The following PLPPR5 variants were observed in gnomAD, a reference collection of about 807,000 sequenced individuals.
PLPPR5 encodes phospholipid phosphatase-related protein type 5.
Under a neutral mutation model 33.9 loss-of-function variants are expected in PLPPR5, and 16 were observed. The observed-to-expected ratio is 0.47, with a 90% confidence interval of 0.32 to 0.72. The LOEUF (loss-of-function observed/expected upper bound fraction) is 0.72. Ranked by LOEUF, PLPPR5 falls within the 30% of genes least tolerant of loss-of-function variation. The probability of loss-of-function intolerance (pLI) is 0.03; values close to 1 mark genes in which losing one functional copy is unlikely to be tolerated. For synonymous variants in PLPPR5, 163 were observed against 150.3 expected (o/e 1.08, Z -0.62); for missense variants, 301 against 406.7 (o/e 0.74, Z 2.23).
intron 1 of PLPPR5, among the ~76,000 whole-genome samples, chr1:98,959,942 G>A (rs139582074): frequency 0.012 from 1,804 of 152,148 alleles, 17 homozygotes; most frequent in Non-Finnish European, 0.018. Flanking sequence ...CCAGTTCTTG[G>A]TCTAGACTAG....
At chr1:98,989,617 T>A (rs1652379756) in intron 1 of PLPPR5, among the ~76,000 whole-genome samples, 1 of 152,118 alleles carries the variant, frequency 6.6e-6, no homozygotes, top group African/African-American at 2.4e-5. Flanking sequence ...CCAAACTAAA[T>A]GTAATCATCC....
chr1:98,982,610 T>G (rs538745384), intron 1 of PLPPR5, among the ~76,000 whole-genome samples: 2 of 152,220 alleles, frequency 1.3e-5, no homozygotes, highest in Admixed American at 6.5e-5. Flanking sequence ...GAACACTCAT[T>G]CTATTTTATA....
intron 3 of PLPPR5, among the ~76,000 whole-genome samples, chr1:98,930,280 T>C (rs1649917142): frequency 6.6e-6 from 1 of 152,340 alleles, no homozygotes; most frequent in East Asian, 1.9e-4. Flanking sequence ...CAAGTATCTC[T>C]GAATAGTCCT....
intron 3 of PLPPR5, among the ~76,000 whole-genome samples, chr1:98,946,420 C>T (rs968718322): frequency 6.6e-6 from 1 of 152,180 alleles, no homozygotes; most frequent in Non-Finnish European, 1.5e-5. Flanking sequence ...ACAAAGTCTT[C>T]CTGATTTATT....
chr1:98,914,315 T>C (rs1318839924), intron 5 of PLPPR5, among the ~76,000 whole-genome samples: 2 of 152,206 alleles, frequency 1.3e-5, no homozygotes, highest in Non-Finnish European at 2.9e-5. Flanking sequence ...ATACGGAGTC[T>C]CACTCTGTTG....
rs571543344 is a variant in PLPPR5 at position 98,989,584 on chromosome 1, G to T, written c.237+14851C>A. ...TGTACAGAACACGGGCTTGGACTGAGCTCCTGCACTAGGCCTAAGGAACCA... is the reference window on the plus strand; with the variant it reads ...TGTACAGAACACGGGCTTGGACTGATCTCCTGCACTAGGCCTAAGGAACCA... On this transcript the variant is annotated intron_variant, in intron 1 of 5. Coordinates refer to ENST00000263177, the MANE Select transcript of PLPPR5 (RefSeq NM_001037317.2). Among the ~76,000 whole-genome samples the T allele has an allele frequency of 8.4e-4, 128 of 152,246 alleles. 1 individual carries two copies. The highest frequency in any genetic ancestry group is 3.0e-3 in the African/African-American group (125 of 41,572).
intron 5 of PLPPR5, among the ~76,000 whole-genome samples, chr1:98,909,464 T>C (rs1454054106): frequency 6.6e-6 from 1 of 151,836 alleles, no homozygotes; most frequent in Non-Finnish European, 1.5e-5. Context: ...AACTTTCTGA[T>C]ATATATTGGA....
chr1:99,001,138 T>TCC (rs1557699184), intron 1 of PLPPR5, among the ~76,000 whole-genome samples: 1 of 150,044 alleles, frequency 6.7e-6, no homozygotes, highest in African/African-American at 2.4e-5. Flanking sequence ...CAACTCTTTT[T>TCC]TTTTTTTTTT....
At chr1:98,909,742 T>A (rs1166557376) in intron 5 of PLPPR5, among the ~76,000 whole-genome samples, 3 of 152,172 alleles carry the variant, frequency 2.0e-5, no homozygotes, top group African/African-American at 7.2e-5. Flanking sequence ...ATGCACTGGA[T>A]CCCATTGATT....
chr1:98,983,943 T>C (rs920387765), intron 1 of PLPPR5, among the ~76,000 whole-genome samples: 1 of 140,998 alleles, frequency 7.1e-6, no homozygotes, highest in Non-Finnish European at 1.6e-5. Flanking sequence ...GGGTTGTTTT[T>C]TTCTTTTTTT....
intron 1 of PLPPR5, among the ~76,000 whole-genome samples, chr1:98,995,874 T>C (rs1652612846): frequency 6.6e-6 from 1 of 152,110 alleles, no homozygotes; most frequent in Non-Finnish European, 1.5e-5. Context: ...ACCATGAACT[T>C]CAGTTGGTGT....
At chr1:98,953,671 C>G (rs1014081157) in intron 2 of PLPPR5, among the ~76,000 whole-genome samples, 1 of 152,080 alleles carries the variant, frequency 6.6e-6, no homozygotes, top group South Asian at 2.1e-4. Context: ...CTATCATGCT[C>G]TACTAATGTT....
At chr1:98,997,660 A>G (rs1459943484) in intron 1 of PLPPR5, among the ~76,000 whole-genome samples, 1 of 152,182 alleles carries the variant, frequency 6.6e-6, no homozygotes, top group African/African-American at 2.4e-5. Context: ...ATCAGGAAAA[A>G]AAGTATAAAA....
intron 3 of PLPPR5, among the ~76,000 whole-genome samples, chr1:98,941,600 A>C (rs1650370524): frequency 6.6e-6 from 1 of 151,702 alleles, no homozygotes; most frequent in Non-Finnish European, 1.5e-5. Flanking sequence ...TCCAAGGAGA[A>C]AATATTTCCC....
chr1:98,933,415 G>A (rs1216476118), intron 3 of PLPPR5, among the ~76,000 whole-genome samples: 1 of 150,100 alleles, frequency 6.7e-6, no homozygotes, highest in African/African-American at 2.5e-5. Context: ...CCCGGGAGGC[G>A]GAGCTTGCAG....
chr1:98,893,917 A>T (rs1412659962), intron 5 of PLPPR5, among the ~76,000 whole-genome samples: 1 of 152,030 alleles, frequency 6.6e-6, no homozygotes, highest in Non-Finnish European at 1.5e-5. Context: ...TTGGATTTTT[A>T]TAACAAATGA....
At position 98,939,314 on chromosome 1, in the gene PLPPR5, T is replaced by A. The variant is rs1405774159; in HGVS notation, c.621+13756A>T. On this transcript the variant is annotated intron_variant, in intron 3 of 5. Transcript: ENST00000263177. ...TAGAGGAAGGGATGCTAAAAGTGAT[T>A]TGCTTTTGTGTCAAATATGCTAGGT... 3.4e-5 allele frequency among the ~76,000 whole-genome samples: 5 copies of A among 148,020 alleles called. 1 individual carries two copies. Among genetic ancestry groups the A allele is most frequent in the African/African-American group, 1.2e-4 (5 of 41,194 alleles).
chr1:98,895,716 C>T (rs1648446593), intron 5 of PLPPR5, among the ~76,000 whole-genome samples: 1 of 151,996 alleles, frequency 6.6e-6, no homozygotes, highest in African/African-American at 2.4e-5. Flanking sequence ...AGCATCTTTC[C>T]ATTTCACATC....
intron 3 of PLPPR5, among the ~76,000 whole-genome samples, chr1:98,945,883 A>G (rs1281752444): frequency 6.6e-6 from 1 of 152,176 alleles, no homozygotes; most frequent in African/African-American, 2.4e-5. Flanking sequence ...CTCTAGGTCT[A>G]GATCTGACTT....
Sources: gnomAD v4.1 joint callset for allele counts (sites outside exome capture counted in the v4.1 genomes callset) on GRCh38, gnomAD v4.1.1 for gene constraint, MANE v1.5 for transcripts, NCBI Gene and HGNC (gene_info 2026-07-23, HGNC 2026-07-21) for gene names.